RNF180: variants seen among roughly 807,000 people sequenced by gnomAD.
RNF180 encodes E3 ubiquitin-protein ligase RNF180.
A neutral mutation model predicts 59.2 loss-of-function variants in RNF180; 38 were observed. The observed-to-expected ratio is 0.64, with a 90% CI of 0.50 to 0.84. The LOEUF (loss-of-function observed/expected upper bound fraction) is 0.84, where lower values mean the gene tolerates loss of function less well. RNF180 is among the 40% of genes least tolerant of loss of function. The pLI is 0.00. For missense variants in RNF180, 705 were observed against 700.9 expected (o/e 1.01, Z -0.07); for synonymous variants, 262 against 240.3 (o/e 1.09, Z -0.84).
intron 5 of RNF180, among the ~76,000 whole-genome samples, chr5:64,312,161 G>C (rs1372775302): frequency 6.6e-6 from 1 of 151,952 alleles, no homozygotes; most frequent in Non-Finnish European, 1.5e-5. Flanking sequence ...ATATACTTCT[G>C]GATTTTTTCA....
Position 64,312,275 on chromosome 5 carries a change from G to T in RNF180, c.1228-12911G>T, listed in dbSNP as rs570214346. ...TTCTAACAAGATCTCAACTTAAATA[G>T]CACATCCTCACAGATGCCTTTCTGG... On this transcript the variant is annotated intron_variant, in intron 5 of 7. Transcript: ENST00000389100. Among the ~76,000 whole-genome samples, 3 of 152,138 alleles carry T rather than the reference G, an allele frequency of 2.0e-5. No homozygotes were observed. The East Asian group carries it at 5.8e-4, about 29-fold the overall frequency.
At chr5:64,360,726 G>A (rs1046849335) in intron 7 of RNF180, among the ~76,000 whole-genome samples, 1 of 151,664 alleles carries the variant, frequency 6.6e-6, no homozygotes, top group East Asian at 2.0e-4. Flanking sequence ...AAGTTATTTG[G>A]CCACTGTCAT....
chr5:64,297,219 G>T (rs1444055424), intron 5 of RNF180, among the ~76,000 whole-genome samples: 1 of 151,928 alleles, frequency 6.6e-6, no homozygotes, highest in Non-Finnish European at 1.5e-5. Flanking sequence ...GGTTGAGATA[G>T]CTTGGTTTCT....
Position 64,329,055 on chromosome 5 carries a change from G to A in RNF180, c.1454-1226G>A, listed in dbSNP as rs189515403. Among the ~76,000 whole-genome samples, 130 of 152,236 alleles carry A rather than the reference G, an allele frequency of 8.5e-4. 1 individual carries two copies. Among genetic ancestry groups the A allele is most frequent in the Non-Finnish European group, 5.0e-4 (34 of 68,018 alleles). ...CAGTTGGTCTGTGTGTACTTCAAAC[G>A]ACTATATCCTTTTTAACTCATTAGT... On this transcript the variant is annotated intron_variant, in intron 6 of 7. Coordinates refer to ENST00000389100, the MANE Select transcript of RNF180 (RefSeq NM_001113561.2).
chr5:64,372,204 A>T lies in RNF180; in HGVS notation c.*2390A>T, dbSNP rs1746681438. ...CATTCTTTTTTAAAAAAATGCCCTA[A>T]TTGAGGTATATTTCTGAATAGTTTC... On this transcript the variant is annotated 3_prime_UTR_variant, in exon 8 of 8. Coordinates refer to ENST00000389100, the MANE Select transcript of RNF180 (RefSeq NM_001113561.2). 1 of 151,766 alleles carries T rather than the reference A, an allele frequency of 6.6e-6. No homozygotes were observed. The highest frequency in any genetic ancestry group is 2.4e-5 in the African/African-American group (1 of 41,404). 9.4% of individuals were successfully genotyped at this position (151,766 alleles called of 1,614,324 possible). A position where few individuals can be genotyped will look rare whatever the true frequency, so the allele number is the denominator to read the frequency against.
chr5:64,224,871 TAC>T (rs541329934), intron 5 of RNF180, among the ~76,000 whole-genome samples: 31 of 152,348 alleles, frequency 2.0e-4, no homozygotes, highest in Admixed American at 4.6e-4. Context: ...ACAGGCTGTA[TAC>T]AGTGTTCGGC....
intron 2 of RNF180, among the ~76,000 whole-genome samples, chr5:64,211,789 C>T (rs953648095): frequency 1.3e-5 from 2 of 152,178 alleles, no homozygotes; most frequent in African/African-American, 4.8e-5. Context: ...TGTGTTCATT[C>T]AGTAACTAAC....
intron 1 of RNF180, among the ~76,000 whole-genome samples, chr5:64,169,564 G>A (rs1561161897): frequency 6.6e-6 from 1 of 152,270 alleles, no homozygotes; most frequent in East Asian, 1.9e-4. Context: ...CTTAATCAAA[G>A]TTCCCATGAA....
intron 1 of RNF180, among the ~76,000 whole-genome samples, chr5:64,171,006 C>T (rs951245779): frequency 6.6e-6 from 1 of 152,124 alleles, no homozygotes; most frequent in Non-Finnish European, 1.5e-5. Context: ...TGGGTCATTT[C>T]AACATAGGTC....
At chr5:64,367,875 G>C (rs1746509884) in intron 7 of RNF180, among the ~76,000 whole-genome samples, 1 of 151,624 alleles carries the variant, frequency 6.6e-6, no homozygotes, top group Non-Finnish European at 1.5e-5. Flanking sequence ...ACTTAAAGTA[G>C]AAAGCAGATA....
chr5:64,304,858 T>C (rs1432839326), intron 5 of RNF180, among the ~76,000 whole-genome samples: 1 of 151,608 alleles, frequency 6.6e-6, no homozygotes, highest in Admixed American at 6.6e-5. Flanking sequence ...ACAGATAAAT[T>C]TTTGTGAAAA....
At chr5:64,166,319 C>CTG (rs1000947999) in intron 1 of RNF180, 1 of 152,594 alleles carries the variant, frequency 6.6e-6, no homozygotes, top group Non-Finnish European at 1.5e-5. Context: ...GTACTGAACC[C>CTG]TCTCCAGGTC....
intron 5 of RNF180, among the ~76,000 whole-genome samples, chr5:64,310,607 CAGT>C (rs1236244210): frequency 2.0e-5 from 3 of 151,406 alleles, no homozygotes; most frequent in Non-Finnish European, 4.4e-5. Context: ...TACCAGATCT[CAGT>C]TGTTTTTTGT....
chr5:64,173,230 A>T (rs1481584394), intron 1 of RNF180, among the ~76,000 whole-genome samples: 2 of 152,330 alleles, frequency 1.3e-5, no homozygotes, highest in African/African-American at 4.8e-5. Flanking sequence ...CCACCCAATA[A>T]CATTTAAATG....
At chr5:64,201,845 T>C (rs865810015) in intron 2 of RNF180, among the ~76,000 whole-genome samples, 2 of 152,210 alleles carry the variant, frequency 1.3e-5, no homozygotes, top group Admixed American at 6.5e-5. Context: ...GTTCAAGTGA[T>C]TCTCCTGCCT....
At chr5:64,232,937 C>T (rs1416474615) in intron 5 of RNF180, among the ~76,000 whole-genome samples, 4 of 152,174 alleles carry the variant, frequency 2.6e-5, no homozygotes, top group African/African-American at 9.7e-5. Flanking sequence ...AAACCTTGGC[C>T]ATGAGGCTTA....
intron 5 of RNF180, among the ~76,000 whole-genome samples, chr5:64,284,619 T>G (rs144873836): frequency 1.0e-3 from 157 of 152,358 alleles, no homozygotes; most frequent in African/African-American, 3.6e-3. Context: ...TTATCTATTC[T>G]GCTGTTAAAA....
intron 7 of RNF180, among the ~76,000 whole-genome samples, chr5:64,343,729 T>A (rs561229501): frequency 6.6e-6 from 1 of 151,852 alleles, no homozygotes; most frequent in Non-Finnish European, 1.5e-5. Flanking sequence ...TTAAACATGC[T>A]GTTTAATGGC....
chr5:64,280,008 A>G (rs1454867586), intron 5 of RNF180, among the ~76,000 whole-genome samples: 1 of 152,112 alleles, frequency 6.6e-6, no homozygotes, highest in Admixed American at 6.6e-5. Flanking sequence ...CAGGAGAATC[A>G]CTTGAATCAC....
Sources: gnomAD v4.1 joint callset for allele counts (sites outside exome capture counted in the v4.1 genomes callset) on GRCh38, gnomAD v4.1.1 for gene constraint, MANE v1.5 for transcripts, NCBI Gene and HGNC (gene_info 2026-07-23, HGNC 2026-07-21) for gene names.